Variants in TMEM132D observed in about 807,000 individuals in gnomAD.
TMEM132D encodes mature OL transmembrane protein.
TMEM132D carries 21 observed loss-of-function variants against 62.3 expected under a neutral mutation model. That is an observed-to-expected ratio of 0.34 (90% CI 0.24 to 0.49). The LOEUF (loss-of-function observed/expected upper bound fraction) is 0.49, where lower values mean the gene tolerates loss of function less well. TMEM132D is among the 20% of genes least tolerant of loss of function. TMEM132D has a pLI of 0.99. For missense variants in TMEM132D, 1,346 were observed against 1,402.8 expected (o/e 0.96, Z 0.65); for synonymous variants, 621 against 575.6 (o/e 1.08, Z -1.13).
intron 1 of TMEM132D, among the ~76,000 whole-genome samples, chr12:129,752,863 C>A (rs1355820310): frequency 6.6e-6 from 1 of 152,056 alleles, no homozygotes; most frequent in African/African-American, 2.4e-5. Context: ...TACTACTTGG[C>A]GAGGAGGAAG....
chr12:129,719,142 C>T (rs1868716536), intron 1 of TMEM132D, among the ~76,000 whole-genome samples: 2 of 150,946 alleles, frequency 1.3e-5, no homozygotes, highest in South Asian at 4.2e-4. Context: ...TACCTGTAGT[C>T]CCAGCTACTT....
chr12:129,351,824 A>T (rs529380800), intron 3 of TMEM132D, among the ~76,000 whole-genome samples: 5 of 152,336 alleles, frequency 3.3e-5, no homozygotes, highest in Admixed American at 6.5e-5. Context: ...TCTCCCAGAT[A>T]TCACCTTTTG....
At chr12:129,161,208 A>G (rs1393769532) in intron 5 of TMEM132D, among the ~76,000 whole-genome samples, 1 of 152,210 alleles carries the variant, frequency 6.6e-6, no homozygotes, top group Non-Finnish European at 1.5e-5. Flanking sequence ...CTCCTGGGAG[A>G]GTCCAAGAGG....
intron 2 of TMEM132D, among the ~76,000 whole-genome samples, chr12:129,592,798 A>G (rs1878230247): frequency 1.3e-5 from 2 of 152,258 alleles, no homozygotes. Flanking sequence ...TATGTGTGCA[A>G]AAGTGGGTCT....
chr12:129,300,448 G>A (rs993197312), intron 4 of TMEM132D, among the ~76,000 whole-genome samples: 5 of 152,192 alleles, frequency 3.3e-5, no homozygotes, highest in East Asian at 1.9e-4. Context: ...GTCCACACAC[G>A]TGCAATGCAC....
chr12:129,399,316 C>A (rs1871532782), intron 3 of TMEM132D, among the ~76,000 whole-genome samples: 1 of 149,608 alleles, frequency 6.7e-6, no homozygotes, highest in African/African-American at 2.5e-5. Context: ...GTAGCTAACC[C>A]ATTCCCACAA....
intron 2 of TMEM132D, among the ~76,000 whole-genome samples, chr12:129,534,617 T>G (rs1876328008): frequency 6.6e-6 from 1 of 152,146 alleles, no homozygotes; most frequent in South Asian, 2.1e-4. Flanking sequence ...TTCATTTTGC[T>G]TATATGACCC....
intron 3 of TMEM132D, among the ~76,000 whole-genome samples, chr12:129,392,112 C>T (rs1414948564): frequency 1.3e-5 from 2 of 151,144 alleles, no homozygotes; most frequent in Non-Finnish European, 2.9e-5. Context: ...GGCTGGAGGG[C>T]AATGGCACAA....
Position 129,794,792 on chromosome 12 carries a change from A to G in TMEM132D, c.80-94094T>C, listed in dbSNP as rs1871512951. Among the ~76,000 whole-genome samples the G allele has an allele frequency of 2.0e-5, 3 of 152,330 alleles. 1 individual carries two copies. The South Asian group carries it at 6.2e-4, about 32-fold the overall frequency. On this transcript the variant is annotated intron_variant, in intron 1 of 8. Coordinates refer to ENST00000422113, the MANE Select transcript of TMEM132D (RefSeq NM_133448.3). ...TTTTGCTGTTAATGGGAAAATGATT[A>G]TTGTGGCTCTGCTGATGTTTGATTT... is the stretch of plus-strand genomic sequence containing the variant.
intron 4 of TMEM132D, among the ~76,000 whole-genome samples, chr12:129,268,355 C>T (rs986779021): frequency 2.0e-5 from 3 of 152,090 alleles, no homozygotes; most frequent in African/African-American, 7.2e-5. Flanking sequence ...ACAAACAACC[C>T]CATCAAAAAA....
chr12:129,209,823 A>T, intron 4 of TMEM132D, 160 bp from the exon 5 acceptor site: 2 of 951,806 alleles, frequency 2.1e-6, no homozygotes, highest in Non-Finnish European at 3.1e-6. Context: ...TGACCGTGGC[A>T]GCCATGAGAT....
chr12:129,460,221 T>C (rs1427307941), intron 3 of TMEM132D, among the ~76,000 whole-genome samples: 1 of 152,180 alleles, frequency 6.6e-6, no homozygotes, highest in Non-Finnish European at 1.5e-5. Flanking sequence ...CTTCTCTGTG[T>C]TCCCTGTGCT....
At chr12:129,410,618 A>G (rs1282242832) in intron 3 of TMEM132D, among the ~76,000 whole-genome samples, 1 of 152,180 alleles carries the variant, frequency 6.6e-6, no homozygotes, top group East Asian at 1.9e-4. Context: ...TCAGCCTCCC[A>G]AAGTGCTGGG....
At chr12:129,165,921 T>A (rs1348801396) in intron 5 of TMEM132D, among the ~76,000 whole-genome samples, 2 of 152,234 alleles carry the variant, frequency 1.3e-5, no homozygotes, top group Non-Finnish European at 2.9e-5. Flanking sequence ...GCTATTCACG[T>A]GACGCTGACT....
intron 3 of TMEM132D, among the ~76,000 whole-genome samples, chr12:129,482,187 GC>G (rs1317808968): frequency 6.6e-6 from 1 of 152,176 alleles, no homozygotes; most frequent in African/African-American, 2.4e-5. Context: ...ATGGAGTACG[GC>G]CAAGCCATCT....
chr12:129,289,566 A>AAAAAAAAAAG (rs1566023043), intron 4 of TMEM132D, among the ~76,000 whole-genome samples: 61 of 144,738 alleles, frequency 4.2e-4, no homozygotes, highest in East Asian at 3.5e-3. Context: ...AAAAAAAAAG[A>AAAAAAAAAAG]AAAAAAAGAA....
intron 3 of TMEM132D, among the ~76,000 whole-genome samples, chr12:129,429,927 G>C (rs1273240417): frequency 6.6e-6 from 1 of 151,752 alleles, no homozygotes; most frequent in Non-Finnish European, 1.5e-5. Flanking sequence ...CTTTTTTATG[G>C]CTGCATAGTA....
intron 2 of TMEM132D, among the ~76,000 whole-genome samples, chr12:129,558,774 G>T (rs12231252): frequency 1.3e-5 from 2 of 152,044 alleles, no homozygotes; most frequent in Non-Finnish European, 2.9e-5. Flanking sequence ...CTGGAGAAGC[G>T]TTGCATTTAC....
At chr12:129,492,058 T>C (rs970731654) in intron 3 of TMEM132D, among the ~76,000 whole-genome samples, 1 of 152,264 alleles carries the variant, frequency 6.6e-6, no homozygotes, top group Admixed American at 6.5e-5. Flanking sequence ...GTTTGTTTAT[T>C]AACACAGCTA....
Sources: gnomAD v4.1 joint callset for allele counts (sites outside exome capture counted in the v4.1 genomes callset) on GRCh38, gnomAD v4.1.1 for gene constraint, MANE v1.5 for transcripts, NCBI Gene and HGNC (gene_info 2026-07-23, HGNC 2026-07-21) for gene names.